SSX2IP: variants seen among roughly 807,000 people sequenced by gnomAD.
SSX2IP encodes the protein afadin- and alpha-actinin-binding protein.
In SSX2IP, 55 loss-of-function variants were observed where a neutral mutation model predicts 84.9. The ratio of observed to expected loss-of-function variants is 0.65; its 90% confidence interval spans 0.52 to 0.81. The LOEUF is 0.81. SSX2IP is among the 30% of genes least tolerant of loss of function. The pLI is 0.00. For synonymous variants in SSX2IP, 239 were observed against 234.7 expected, an observed-to-expected ratio of 1.02 and a Z score of -0.17; for missense variants, 664 against 705.2, an observed-to-expected ratio of 0.94 and a Z score of 0.66.
intron 1 of SSX2IP, among the ~76,000 whole-genome samples, chr1:84,672,921 AG>A (rs780619678): frequency 6.6e-6 from 1 of 152,194 alleles, no homozygotes; most frequent in Non-Finnish European, 1.5e-5. Context: ...GCTACTCAAG[AG>A]GCTGAGGCAG....
At chr1:84,679,226 T>C (rs1654760140) in intron 1 of SSX2IP, among the ~76,000 whole-genome samples, 1 of 152,222 alleles carries the variant, frequency 6.6e-6, no homozygotes, top group Non-Finnish European at 1.5e-5. Context: ...CACCTTCAAC[T>C]ATGATTTTGT....
intron 8 of SSX2IP, among the ~76,000 whole-genome samples, chr1:84,659,681 C>T (rs768897083): frequency 6.6e-5 from 10 of 151,716 alleles, no homozygotes; most frequent in Middle Eastern, 3.4e-3. Context: ...GCCTGTACTT[C>T]CAGCTACTCA....
At chr1:84,673,265 C>T (rs968223821) in intron 1 of SSX2IP, among the ~76,000 whole-genome samples, 3 of 151,970 alleles carry the variant, frequency 2.0e-5, no homozygotes, top group African/African-American at 4.8e-5. Flanking sequence ...GTGAGAAAAC[C>T]TCCACTGAAA....
At chr1:84,662,616 GA>G in intron 6 of SSX2IP, 86 bp from the exon 7 acceptor site, 1 of 1,442,322 alleles carries the variant, frequency 6.9e-7, no homozygotes, top group East Asian at 2.3e-5. Flanking sequence ...CGTAAGTGGT[GA>G]AAGTGAACCT....
intron 1 of SSX2IP, among the ~76,000 whole-genome samples, chr1:84,681,175 G>C (rs1481893068): frequency 6.6e-6 from 1 of 152,194 alleles, no homozygotes; most frequent in African/African-American, 2.4e-5. Flanking sequence ...TATTTGAAAT[G>C]TGTAAATCTT....
At position 84,643,770 on chromosome 1, in the gene SSX2IP, T is replaced by C. The variant is rs193193240; in HGVS notation, c.*3663A>G. On this transcript the variant is annotated 3_prime_UTR_variant, in exon 14 of 14. Transcript: ENST00000342203. ...ATGTGCTGTTAAGCATTATACTAGG[T>C]ACATGTATTTCTGAAGCTCAAATAT... 110 of 152,030 alleles carry C rather than the reference T, an allele frequency of 7.2e-4. No individual in the cohort carries two copies. Among genetic ancestry groups the C allele is most frequent in the African/African-American group, 2.5e-3 (103 of 41,504 alleles). 9.4% of individuals were successfully genotyped at this position (152,030 alleles called of 1,614,324 possible). A position where few individuals can be genotyped will look rare whatever the true frequency, so the allele number is the denominator to read the frequency against.
intron 4 of SSX2IP, among the ~76,000 whole-genome samples, chr1:84,668,513 T>C (rs1187887326): frequency 6.6e-6 from 1 of 152,134 alleles, no homozygotes; most frequent in Admixed American, 6.6e-5. Flanking sequence ...ACTTTTATCA[T>C]TGTGTATGAA....
intron 13 of SSX2IP, among the ~76,000 whole-genome samples, chr1:84,649,235 C>T (rs1649880279): frequency 6.6e-6 from 1 of 152,142 alleles, no homozygotes; most frequent in Non-Finnish European, 1.5e-5. Context: ...CACGTGGGTT[C>T]ACGATCTTAT....
At chr1:84,678,735 AC>A (rs1296454800) in intron 1 of SSX2IP, among the ~76,000 whole-genome samples, 1 of 152,204 alleles carries the variant, frequency 6.6e-6, no homozygotes, top group Non-Finnish European at 1.5e-5. Context: ...TGTCCTCTTC[AC>A]CCCCAAATCT....
chr1:84,669,992 G>C (rs888513391), intron 3 of SSX2IP, 99 bp from the exon 4 acceptor site: 21 of 805,174 alleles, frequency 2.6e-5, no homozygotes, highest in South Asian at 8.7e-5. Context: ...AAGTTTAATA[G>C]ATCTATTGTA....
chr1:84,661,594 G>A (rs1263111477), intron 8 of SSX2IP, among the ~76,000 whole-genome samples: 1 of 152,032 alleles, frequency 6.6e-6, no homozygotes, highest in Non-Finnish European at 1.5e-5. Flanking sequence ...CTTCTTGAGG[G>A]AAAAAGTCAA....
intron 1 of SSX2IP, among the ~76,000 whole-genome samples, chr1:84,687,131 A>G (rs1292871197): frequency 6.6e-6 from 1 of 152,194 alleles, no homozygotes; most frequent in East Asian, 1.9e-4. Context: ...TCACACCCCT[A>G]CGAAGCAGGT....
chr1:84,682,704 A>C (rs767486945), intron 1 of SSX2IP, among the ~76,000 whole-genome samples: 2 of 152,004 alleles, frequency 1.3e-5, no homozygotes, highest in African/African-American at 2.4e-5. Context: ...GGGTTTCACC[A>C]TGTTGGCCAG....
In SSX2IP at chr1:84,670,753, G is replaced by A. The variant is rs755667311; in HGVS notation, c.106C>T (p.Gln36Ter). Residue 36 changes from glutamine to a stop codon, truncating the protein, a stop_gained, in exon 3 of 14, where the codon CAG becomes TAG. Coordinates refer to ENST00000342203, the MANE Select transcript of SSX2IP (RefSeq NM_001166293.2). LOFTEE classifies it high-confidence loss of function. ...TKMSPSSLYS[Q>*]QVLCSSIPLS... ...GGTATTGAAGAACATAGCACTTGCT[G>A]TGAGTATAAACTTGATGGAGACATC... The A allele has an allele frequency of 1.2e-6, 2 of 1,613,040 alleles. No individual in the cohort carries two copies. Among genetic ancestry groups the A allele is most frequent in the Non-Finnish European group, 1.7e-6 (2 of 1,179,326 alleles).
intron 8 of SSX2IP, among the ~76,000 whole-genome samples, chr1:84,660,386 A>G (rs1382898271): frequency 2.6e-5 from 4 of 152,248 alleles, no homozygotes; most frequent in Non-Finnish European, 4.4e-5. Context: ...TGAGACGTTA[A>G]GGTTGGACCA....
rs2102105560 is a variant in SSX2IP, at chr1:84,647,057, G to T, written c.*376C>A. 6.4e-6 allele frequency: 1 copy of T among 157,168 alleles called. No homozygotes were observed. Among genetic ancestry groups the T allele is most frequent in the East Asian group, 1.9e-4 (1 of 5,372 alleles). The allele number at this position is 157,168 out of a possible 1,614,324, so 9.7% of individuals were successfully genotyped here. On this transcript the variant is annotated 3_prime_UTR_variant, in exon 14 of 14. Transcript: ENST00000342203. ...TTAAAAATCTACAGTATACATTCAAGTAAAGGCTAAACTTCCAATGCCAAC... is the reference window on the plus strand; with the variant it reads ...TTAAAAATCTACAGTATACATTCAATTAAAGGCTAAACTTCCAATGCCAAC...
At chr1:84,656,732 T>G (rs925924579) in intron 9 of SSX2IP, among the ~76,000 whole-genome samples, 16 of 152,168 alleles carry the variant, frequency 1.1e-4, no homozygotes, top group African/African-American at 3.6e-4. Flanking sequence ...TGACGACAAT[T>G]ACACATTTGT....
rs1649195135 is a variant in SSX2IP, at chr1:84,643,834, ACT to A, written c.*3597_*3598del. 6.6e-6 allele frequency: 1 copy of A among 152,318 alleles called. No homozygotes were observed. The highest frequency in any genetic ancestry group is 6.5e-5 in the Admixed American group (1 of 15,304). 9.4% of individuals were successfully genotyped at this position (152,318 alleles called of 1,614,324 possible). A position where few individuals can be genotyped will look rare whatever the true frequency, so the allele number is the denominator to read the frequency against. ...ATCTTTATCAGGAGCTTCATATGTC[ACT>A]GACATTACAGTACTTCCTGAGCTCT... On this transcript the variant is annotated 3_prime_UTR_variant, in exon 14 of 14. Coordinates refer to ENST00000342203, the MANE Select transcript of SSX2IP (RefSeq NM_001166293.2).
At chr1:84,678,077 C>T (rs1557521778) in intron 1 of SSX2IP, among the ~76,000 whole-genome samples, 2 of 152,098 alleles carry the variant, frequency 1.3e-5, no homozygotes, top group Non-Finnish European at 2.9e-5. Flanking sequence ...AAAACTTAAA[C>T]CATAATTTAC....
Sources: gnomAD v4.1 joint callset for allele counts (sites outside exome capture counted in the v4.1 genomes callset) on GRCh38, gnomAD v4.1.1 for gene constraint, MANE v1.5 for transcripts, NCBI Gene and HGNC (gene_info 2026-07-23, HGNC 2026-07-21) for gene names.